The following SUCLG2 variants were observed in gnomAD, a reference collection of about 807,000 sequenced individuals.
SUCLG2 encodes succinate-CoA ligase GDP-forming subunit beta, also known as succinate--CoA ligase [GDP-forming] subunit beta, mitochondrial.
SUCLG2 carries 42 observed loss-of-function variants against 47.9 expected under a neutral mutation model. That is an observed-to-expected ratio of 0.88 (90% CI 0.69 to 1.14). The LOEUF (loss-of-function observed/expected upper bound fraction) is 1.14, where lower values mean the gene tolerates loss of function less well. Among genes scored for constraint, SUCLG2 ranks in the 50% most tolerant of loss-of-function variants. The probability of loss-of-function intolerance (pLI) is 0.00; values close to 1 mark genes in which losing one functional copy is unlikely to be tolerated. For synonymous variants in SUCLG2, 195 were observed against 197.3 expected, an observed-to-expected ratio of 0.99 and a Z score of 0.10; for missense variants, 571 against 525.9, an observed-to-expected ratio of 1.09 and a Z score of -0.84.
At chr3:67,575,524 G>A (rs1202046917) in intron 2 of SUCLG2, among the ~76,000 whole-genome samples, 1 of 152,170 alleles carries the variant, frequency 6.6e-6, no homozygotes, top group African/African-American at 2.4e-5. Context: ...GGCTGGGGGT[G>A]AGAATGGCAA....
At chr3:67,649,218 G>C (rs898629177) in intron 1 of SUCLG2, among the ~76,000 whole-genome samples, 1 of 152,186 alleles carries the variant, frequency 6.6e-6, no homozygotes, top group African/African-American at 2.4e-5. Context: ...CAGTATCTTA[G>C]AAGGCTAAGA....
At chr3:67,443,001 C>T (rs555477222) in intron 9 of SUCLG2, among the ~76,000 whole-genome samples, 35 of 151,920 alleles carry the variant, frequency 2.3e-4, no homozygotes, top group Non-Finnish European at 4.1e-4. Context: ...TATTCAGAAA[C>T]GAAAAAAAGG....
At chr3:67,642,916 C>CTGTGTGTGTGTGTGTGTG (rs1491202290) in intron 1 of SUCLG2, among the ~76,000 whole-genome samples, 1 of 120,028 alleles carries the variant, frequency 8.3e-6, no homozygotes, top group African/African-American at 2.7e-5. Flanking sequence ...CAGAAAAGGA[C>CTGTGTGTGTGTGTGTGTG]TCTGTGTGTG....
chr3:67,514,216 A>G, intron 6 of SUCLG2: 1 of 378,980 alleles, frequency 2.6e-6, no homozygotes, highest in Non-Finnish European at 5.3e-6. Context: ...TTTGTGTGGA[A>G]TTAGGCACCT....
intron 2 of SUCLG2, among the ~76,000 whole-genome samples, chr3:67,537,394 T>A (rs1440442084): frequency 6.6e-6 from 1 of 152,212 alleles, no homozygotes; most frequent in South Asian, 2.1e-4. Context: ...GAAAAGGACA[T>A]GAACTCATCC....
intron 1 of SUCLG2, among the ~76,000 whole-genome samples, chr3:67,649,673 T>G (rs957570064): frequency 2.6e-5 from 4 of 152,166 alleles, no homozygotes; most frequent in Admixed American, 6.5e-5. Context: ...TCACAAACTC[T>G]CAAGATTAAT....
At chr3:67,561,962 C>T (rs1185961551) in intron 2 of SUCLG2, among the ~76,000 whole-genome samples, 27 of 152,202 alleles carry the variant, frequency 1.8e-4, no homozygotes, top group Admixed American at 1.8e-3. Flanking sequence ...TCCTCCTCTA[C>T]TTATCAGTCA....
chr3:67,614,310 T>C (rs1253023276), intron 1 of SUCLG2, among the ~76,000 whole-genome samples: 1 of 151,930 alleles, frequency 6.6e-6, no homozygotes, highest in Admixed American at 6.6e-5. Flanking sequence ...ACACCAGGCT[T>C]TGTTGTCCTC....
intron 10 of SUCLG2, among the ~76,000 whole-genome samples, chr3:67,385,264 C>G (rs1046674283): frequency 5.9e-5 from 9 of 152,220 alleles, no homozygotes; most frequent in Non-Finnish European, 1.0e-4. Flanking sequence ...GCCACACCCA[C>G]AGCTGCTGCT....
chr3:67,625,009 T>C (rs956371743), intron 1 of SUCLG2, among the ~76,000 whole-genome samples: 4 of 152,182 alleles, frequency 2.6e-5, no homozygotes, highest in Admixed American at 2.6e-4. Context: ...AAACATACTA[T>C]ACCCTCTTAA....
intron 2 of SUCLG2, among the ~76,000 whole-genome samples, chr3:67,593,355 C>G (rs1035380392): frequency 6.6e-6 from 1 of 151,204 alleles, no homozygotes; most frequent in Non-Finnish European, 1.5e-5. Flanking sequence ...AGTTGTTATC[C>G]TACCCTATAG....
At chr3:67,496,985 T>C (rs1451371568) in intron 8 of SUCLG2, among the ~76,000 whole-genome samples, 3 of 152,222 alleles carry the variant, frequency 2.0e-5, no homozygotes, top group African/African-American at 4.8e-5. Context: ...TTGAGGCTGC[T>C]ATGTGGTCAA....
intron 9 of SUCLG2, among the ~76,000 whole-genome samples, chr3:67,438,161 A>G (rs1426125785): frequency 1.3e-5 from 2 of 152,208 alleles, no homozygotes; most frequent in Non-Finnish European, 2.9e-5. Context: ...AGGCAGAAAT[A>G]AATAAGTTCT....
intron 10 of SUCLG2, among the ~76,000 whole-genome samples, chr3:67,377,252 A>G (rs1281958804): frequency 2.6e-5 from 4 of 152,248 alleles, no homozygotes; most frequent in Non-Finnish European, 5.9e-5. Flanking sequence ...TAAACGCTGC[A>G]TGTTCTAAAG....
intron 9 of SUCLG2, among the ~76,000 whole-genome samples, chr3:67,480,857 G>A (rs1443505061): frequency 3.3e-5 from 5 of 152,162 alleles, no homozygotes; most frequent in Non-Finnish European, 7.3e-5. Context: ...GAGAAAGAAG[G>A]CATCACATTT....
intron 9 of SUCLG2, among the ~76,000 whole-genome samples, chr3:67,465,453 A>G (rs1416701294): frequency 6.6e-6 from 1 of 152,102 alleles, no homozygotes; most frequent in Non-Finnish European, 1.5e-5. Flanking sequence ...TCGGGTCTCC[A>G]CTCAAATGTC....
intron 9 of SUCLG2, among the ~76,000 whole-genome samples, chr3:67,419,711 T>A (rs1575683048): frequency 6.6e-6 from 1 of 152,136 alleles, no homozygotes; most frequent in Non-Finnish European, 1.5e-5. Context: ...CTTCTCCAAA[T>A]AAGTGTCAAA....
At chr3:67,542,472 A>C in intron 2 of SUCLG2, among the ~76,000 whole-genome samples, 1 of 152,214 alleles carries the variant, frequency 6.6e-6, no homozygotes, top group East Asian at 1.9e-4. Flanking sequence ...TCAAATTCAC[A>C]CAAAACAATA....
intron 2 of SUCLG2, among the ~76,000 whole-genome samples, chr3:67,551,888 C>A (rs1486247179): frequency 6.6e-6 from 1 of 152,156 alleles, no homozygotes; most frequent in African/African-American, 2.4e-5. Flanking sequence ...CCCAATATCA[C>A]ACAGCTGTCA....
Sources: gnomAD v4.1 joint callset for allele counts (sites outside exome capture counted in the v4.1 genomes callset) on GRCh38, gnomAD v4.1.1 for gene constraint, MANE v1.5 for transcripts, NCBI Gene and HGNC (gene_info 2026-07-23, HGNC 2026-07-21) for gene names.